The following ADAMTS12 variants were observed in gnomAD, a reference collection of about 807,000 sequenced individuals.
ADAMTS12 encodes ADAM metallopeptidase with thrombospondin type 1 motif 12.
In ADAMTS12, 118 loss-of-function variants were observed where a neutral mutation model predicts 167.8. The ratio of observed to expected loss-of-function variants is 0.70; its 90% CI spans 0.61 to 0.82. The LOEUF is 0.82. Ranked by LOEUF, ADAMTS12 falls within the 40% of genes least tolerant of loss-of-function variation. The probability of loss-of-function intolerance (pLI) is 0.00; values close to 1 mark genes in which losing one functional copy is unlikely to be tolerated. For missense variants in ADAMTS12, 1,916 were observed against 1,998.8 expected (o/e 0.96, Z 0.79); for synonymous variants, 704 against 716.9 (o/e 0.98, Z 0.29).
chr5:33,767,660 A>G (rs1461563823), intron 2 of ADAMTS12, among the ~76,000 whole-genome samples: 1 of 152,200 alleles, frequency 6.6e-6, no homozygotes, highest in African/African-American at 2.4e-5. Context: ...TTGAAGTTTT[A>G]AGAAATACAT....
At chr5:33,758,223 A>G (rs183514839) in intron 2 of ADAMTS12, among the ~76,000 whole-genome samples, 2 of 152,272 alleles carry the variant, frequency 1.3e-5, no homozygotes, top group Admixed American at 6.5e-5. Flanking sequence ...CTGGGCCACA[A>G]GTTAAGGGTT....
intron 5 of ADAMTS12, among the ~76,000 whole-genome samples, chr5:33,671,280 G>A (rs1483924102): frequency 2.6e-5 from 4 of 152,056 alleles, no homozygotes; most frequent in East Asian, 1.9e-4. Flanking sequence ...GACAAAAATC[G>A]CATAGAACTA....
intron 2 of ADAMTS12, among the ~76,000 whole-genome samples, chr5:33,843,129 G>T (rs185563054): frequency 6.6e-6 from 1 of 152,170 alleles, no homozygotes; most frequent in South Asian, 2.1e-4. Context: ...ACAGATAAAA[G>T]TATGCATCTG....
intron 2 of ADAMTS12, among the ~76,000 whole-genome samples, chr5:33,776,943 C>T (rs1431818667): frequency 6.6e-6 from 1 of 152,060 alleles, no homozygotes; most frequent in Non-Finnish European, 1.5e-5. Context: ...GGATAAATTC[C>T]TAGAAACCTA....
At chr5:33,658,770 T>G (rs1320370315) in intron 6 of ADAMTS12, among the ~76,000 whole-genome samples, 1 of 152,176 alleles carries the variant, frequency 6.6e-6, no homozygotes, top group Non-Finnish European at 1.5e-5. Flanking sequence ...GAACTTCTTT[T>G]TCCCATTCAT....
intron 16 of ADAMTS12, among the ~76,000 whole-genome samples, chr5:33,609,979 A>C (rs1738646192): frequency 6.6e-6 from 1 of 151,916 alleles, no homozygotes; most frequent in South Asian, 2.1e-4. Context: ...CAGGAGCTCG[A>C]GACCCGCCTG....
intron 9 of ADAMTS12, among the ~76,000 whole-genome samples, chr5:33,644,683 G>A (rs964779970): frequency 6.6e-6 from 1 of 151,768 alleles, no homozygotes; most frequent in Non-Finnish European, 1.5e-5. Context: ...GCTGAAGATA[G>A]ACTACATTAG....
intron 2 of ADAMTS12, among the ~76,000 whole-genome samples, chr5:33,764,057 C>T (rs992210319): frequency 3.9e-5 from 6 of 152,156 alleles, no homozygotes; most frequent in African/African-American, 1.4e-4. Context: ...ATAGTGGCTT[C>T]TTCTATAAAA....
At chr5:33,528,480 C>A (rs1001652483) in intron 23 of ADAMTS12, among the ~76,000 whole-genome samples, 4 of 152,220 alleles carry the variant, frequency 2.6e-5, no homozygotes, top group Non-Finnish European at 4.4e-5. Context: ...TGTCGGGGTG[C>A]TTTGCTATGC....
At chr5:33,820,545 T>A (rs972828366) in intron 2 of ADAMTS12, among the ~76,000 whole-genome samples, 2 of 152,178 alleles carry the variant, frequency 1.3e-5, no homozygotes, top group African/African-American at 4.8e-5. Context: ...CTGTAGCCAG[T>A]AGAACTGAAG....
intron 22 of ADAMTS12, among the ~76,000 whole-genome samples, chr5:33,539,121 T>G (rs1187016073): frequency 1.3e-5 from 2 of 152,106 alleles, no homozygotes; most frequent in African/African-American, 4.8e-5. Flanking sequence ...TTTTTATTTT[T>G]AGTAGAGATG....
intron 2 of ADAMTS12, among the ~76,000 whole-genome samples, chr5:33,877,343 C>A: frequency 6.6e-6 from 1 of 152,180 alleles, no homozygotes; most frequent in East Asian, 1.9e-4. Flanking sequence ...CCAATCCTGT[C>A]TTCTGCACGA....
In ADAMTS12 at chr5:33,527,172, T is replaced by C; in HGVS notation, c.*16A>G. The C allele has an allele frequency of 1.9e-6, 3 of 1,613,744 alleles. No individual in the cohort carries two copies. The African/African-American group carries it at 4.0e-5, about 22-fold the overall frequency. ...CAGGCTGCTGCAGTCTGGTGGAAGC[T>C]GGCTTCCTTTTGGGCTTAGAGTTCT... On this transcript the variant is annotated 3_prime_UTR_variant, in exon 24 of 24. Coordinates refer to ENST00000504830, the MANE Select transcript of ADAMTS12 (RefSeq NM_030955.4).
rs759480619 is a variant in ADAMTS12, at chr5:33,596,044, A to G, written c.2544T>C (p.Thr848=). 1 of 1,614,006 alleles carries G rather than the reference A, an allele frequency of 6.2e-7. No homozygotes were observed. Among genetic ancestry groups the G allele is most frequent in the Non-Finnish European group, 8.5e-7 (1 of 1,179,946 alleles). ...VTCGTGIRRQ[T]AHCIKKGRGM... ...CGCGGCCCTTCTTTATGCAATGGGC[A>G]GTTTGGCGGCGGATACCTGGGGGTC... The change falls in exon 17 of 24, where the codon ACT becomes ACC. Residue 848 remains threonine (T), a synonymous_variant. Coordinates refer to ENST00000504830, the MANE Select transcript of ADAMTS12 (RefSeq NM_030955.4).
At chr5:33,537,385 G>A (rs746619597) in intron 22 of ADAMTS12, among the ~76,000 whole-genome samples, 2 of 152,232 alleles carry the variant, frequency 1.3e-5, no homozygotes, top group African/African-American at 4.8e-5. Context: ...GGAAATTCCT[G>A]ACTGTAGGAC....
chr5:33,664,723 T>C (rs532734783), intron 5 of ADAMTS12, among the ~76,000 whole-genome samples: 4 of 152,154 alleles, frequency 2.6e-5, no homozygotes, highest in African/African-American at 4.8e-5. Flanking sequence ...GTAGCCATTA[T>C]GGAAAACAGC....
chr5:33,658,377 C>T, intron 6 of ADAMTS12, 44 bp from the exon 7 acceptor site: 1 of 1,598,342 alleles, frequency 6.3e-7, no homozygotes, highest in Admixed American at 1.7e-5. Context: ...AAAGGAACAT[C>T]TGGAAAAACC....
chr5:33,533,172 T>C (rs1479936413), intron 23 of ADAMTS12, among the ~76,000 whole-genome samples: 1 of 152,242 alleles, frequency 6.6e-6, no homozygotes, highest in Non-Finnish European at 1.5e-5. Context: ...GAAGATTTTA[T>C]TGTCCAGCAA....
chr5:33,602,948 A>AT (rs1738261337), intron 16 of ADAMTS12, among the ~76,000 whole-genome samples: 1 of 152,202 alleles, frequency 6.6e-6, no homozygotes, highest in Non-Finnish European at 1.5e-5. Flanking sequence ...AGCACATGAC[A>AT]TTTTTTGAAC....
Sources: allele counts gnomAD v4.1 joint callset (sites outside exome capture counted in the v4.1 genomes callset), GRCh38; gene constraint gnomAD v4.1.1; transcripts MANE v1.5; gene names NCBI Gene and HGNC (gene_info 2026-07-23, HGNC 2026-07-21).